TFEC: variants seen among roughly 807,000 people sequenced by gnomAD.
TFEC encodes the protein transcription factor EC.
TFEC carries 31 observed loss-of-function variants against 41.6 expected under a neutral mutation model. That is an observed-to-expected ratio of 0.74 (90% CI 0.56 to 1.01). The LOEUF (loss-of-function observed/expected upper bound fraction) is 1.01. TFEC is among the 50% of genes least tolerant of loss of function. TFEC has a pLI of 0.00. For missense variants in TFEC, 402 were observed against 404.1 expected (o/e 0.99, Z 0.04); for synonymous variants, 143 against 140.6 (o/e 1.02, Z -0.12).
chr7:116,087,270 C>A (rs1054067926), intron 3 of TFEC, among the ~76,000 whole-genome samples: 1 of 151,938 alleles, frequency 6.6e-6, no homozygotes, highest in Non-Finnish European at 1.5e-5. Flanking sequence ...TAGAGCATTT[C>A]ATATATTAAA....
chr7:116,046,673 G>T (rs1241904421), intron 3 of TFEC, among the ~76,000 whole-genome samples: 9 of 152,168 alleles, frequency 5.9e-5, no homozygotes, highest in Non-Finnish European at 1.0e-4. Flanking sequence ...TTTACGTGAT[G>T]CTTTATACTT....
intron 1 of TFEC, among the ~76,000 whole-genome samples, chr7:116,136,270 C>T (rs147841244): frequency 6.6e-4 from 100 of 151,836 alleles, no homozygotes; most frequent in Non-Finnish European, 1.2e-3. Context: ...GAAAACAATT[C>T]GAAGCAATTT....
intron 2 of TFEC, among the ~76,000 whole-genome samples, chr7:115,977,083 CT>C (rs1390526885): frequency 1.4e-4 from 22 of 152,042 alleles, no homozygotes; most frequent in Non-Finnish European, 2.8e-4. Context: ...ATGTTAAAAT[CT>C]AAAACCCAGC....
intron 7 of TFEC, chr7:115,941,678 CATATAT>C: frequency 6.8e-6 from 4 of 584,260 alleles, no homozygotes; most frequent in Non-Finnish European, 1.2e-5. Context: ...TACATATATA[CATATAT>C]ACATATTCAG....
chr7:116,039,311 G>GA (rs1309562161), intron 3 of TFEC, among the ~76,000 whole-genome samples: 1 of 151,888 alleles, frequency 6.6e-6, no homozygotes, highest in Non-Finnish European at 1.5e-5. Context: ...AAGAAGAAGA[G>GA]AAAAAAGAGA....
At chr7:116,134,116 G>A (rs142924237) in intron 1 of TFEC, among the ~76,000 whole-genome samples, 2 of 152,256 alleles carry the variant, frequency 1.3e-5, no homozygotes, top group African/African-American at 4.8e-5. Flanking sequence ...ACTTAAATGT[G>A]TCTGGTTTAT....
Position 115,940,684 on chromosome 7 carries a change from A to C in TFEC, c.911T>G (p.Leu304Trp), listed in dbSNP as rs771405467. The C allele has an allele frequency of 6.2e-7, 1 of 1,613,488 alleles. No homozygotes were observed. The highest frequency in any genetic ancestry group is 1.3e-5 in the African/African-American group (1 of 74,864). Residue 304 changes from leucine to tryptophan, a missense_variant, in exon 8 of 8, where the codon TTG (leucine) becomes TGG (tryptophan). By Grantham distance (61) the Leu-to-Trp change is moderately conservative. Transcript: ENST00000265440. Reference protein sequence around the residue: ...FSAALKEEQRLDGMLLDDTIS... With the variant: ...FSAALKEEQRWDGMLLDDTIS... Reference sequence around the variant, plus strand: ...TGTGTCATCCAATAGCATGCCATCCAATCTTTGTTCCTCTTTCAATGCAGC... The same window carrying C: ...TGTGTCATCCAATAGCATGCCATCCCATCTTTGTTCCTCTTTCAATGCAGC...
intron 3 of TFEC, among the ~76,000 whole-genome samples, chr7:116,057,689 G>A (rs1447256133): frequency 6.6e-6 from 1 of 151,598 alleles, no homozygotes; most frequent in East Asian, 1.9e-4. Flanking sequence ...AAAAACAATA[G>A]TAATGCATTG....
At chr7:115,970,569 T>G (rs998396254) in intron 3 of TFEC, among the ~76,000 whole-genome samples, 2 of 151,966 alleles carry the variant, frequency 1.3e-5, no homozygotes, top group African/African-American at 4.8e-5. Context: ...TATTAAAGAT[T>G]GATAAATGCT....
chr7:115,977,243 A>G (rs769744597), intron 2 of TFEC, among the ~76,000 whole-genome samples: 1 of 152,142 alleles, frequency 6.6e-6, no homozygotes, highest in Non-Finnish European at 1.5e-5. Context: ...CCCGCAAGTA[A>G]GCATCCTCAA....
chr7:115,987,810 T>C (rs1368114587), intron 1 of TFEC, among the ~76,000 whole-genome samples: 3 of 151,970 alleles, frequency 2.0e-5, no homozygotes, highest in Admixed American at 6.6e-5. Context: ...TAAACACATA[T>C]AAAAATGAAA....
intron 1 of TFEC, among the ~76,000 whole-genome samples, chr7:116,134,077 T>C (rs981493655): frequency 1.4e-4 from 22 of 152,250 alleles, no homozygotes; most frequent in African/African-American, 4.3e-4. Context: ...TAGGTCTTTG[T>C]AGAAAAATTC....
Position 116,148,542 on chromosome 7 carries a change from T to C in TFEC, c.-69+11248A>G, listed in dbSNP as rs183402369. On this transcript the variant is annotated intron_variant, in intron 1 of 8. Coordinates refer to the TFEC transcript ENST00000484212. The stretch of plus-strand genomic sequence containing the variant: ...GAGAGGTGGCTGGATTCTGGATTTA[T>C]TTTGAGTATAAAATGACAAGATTTC... 1.6e-3 allele frequency among the ~76,000 whole-genome samples: 245 copies of C among 152,240 alleles called. 1 individual carries two copies. The highest frequency in any genetic ancestry group is 5.7e-3 in the African/African-American group (238 of 41,542).
intron 3 of TFEC, among the ~76,000 whole-genome samples, chr7:116,105,420 G>A (rs938312860): frequency 7.2e-5 from 11 of 152,150 alleles, no homozygotes; most frequent in Admixed American, 5.2e-4. Context: ...CTCTACCTAG[G>A]TGCCTCTTCA....
chr7:115,958,369 G>C (rs530285075), intron 3 of TFEC, among the ~76,000 whole-genome samples: 5 of 151,998 alleles, frequency 3.3e-5, no homozygotes, highest in Admixed American at 3.3e-4. Context: ...TGAAAGGCCT[G>C]TTGGTTATGA....
At chr7:116,111,921 G>A in intron 2 of TFEC, 2 of 746,434 alleles carry the variant, frequency 2.7e-6, no homozygotes, top group Non-Finnish European at 3.3e-6. Flanking sequence ...GTAAATGATA[G>A]TACTTGATTG....
At chr7:116,030,430 T>A (rs1247441173) in intron 1 of TFEC, among the ~76,000 whole-genome samples, 1 of 152,152 alleles carries the variant, frequency 6.6e-6, no homozygotes, top group East Asian at 1.9e-4. Flanking sequence ...AAATAAGACA[T>A]TAATAGAGTT....
At chr7:116,002,851 G>A in intron 1 of TFEC, among the ~76,000 whole-genome samples, 1 of 152,080 alleles carries the variant, frequency 6.6e-6, no homozygotes, top group East Asian at 1.9e-4. Flanking sequence ...ACTTGGATTA[G>A]TTGTAAATGT....
intron 1 of TFEC, among the ~76,000 whole-genome samples, chr7:115,992,295 A>G (rs1025327616): frequency 3.9e-5 from 6 of 152,210 alleles, no homozygotes; most frequent in Non-Finnish European, 7.3e-5. Flanking sequence ...CAATTAAAAG[A>G]ACTAGAGAAG....
Sources: gnomAD v4.1 joint callset for allele counts (sites outside exome capture counted in the v4.1 genomes callset) on GRCh38, gnomAD v4.1.1 for gene constraint, MANE v1.5 for transcripts, NCBI Gene and HGNC (gene_info 2026-07-23, HGNC 2026-07-21) for gene names.